ARVCF: variants seen among roughly 807,000 people sequenced by gnomAD.
ARVCF encodes the protein ARVCF delta catenin family member, also known as splicing regulator ARVCF.
A neutral mutation model predicts 90.9 loss-of-function variants in ARVCF; 66 were observed. The observed-to-expected ratio is 0.73, with a 90% CI of 0.60 to 0.89. The LOEUF (loss-of-function observed/expected upper bound fraction) is 0.89. Ranked by LOEUF, ARVCF falls within the 40% of genes least tolerant of loss-of-function variation. The probability of loss-of-function intolerance (pLI) is 0.00; values close to 1 mark genes in which losing one functional copy is unlikely to be tolerated. For synonymous variants in ARVCF, 653 were observed against 603.4 expected (o/e 1.08, Z -1.21); for missense variants, 1,469 against 1,382.3 (o/e 1.06, Z -1.00).
rs1206084904 is a variant in ARVCF, at chr22:19,973,073, C to T, written c.2439-37G>A. On this transcript the variant is annotated intron_variant, in intron 14 of 19. Coordinates refer to ENST00000263207, the MANE Select transcript of ARVCF (RefSeq NM_001670.3). ...GGGGCGGGGTCAGTGGTGGCCCCTC[C>T]CCCACCTCCGCGGCTCCCCAAGCCA... The T allele has an allele frequency of 2.5e-6, 4 of 1,608,778 alleles. No individual in the cohort carries two copies. In the East Asian group the frequency reaches 8.9e-5, roughly 36 times the overall value.
rs201679264 is a variant in ARVCF, at chr22:19,972,999, G to T, written c.2476C>A (p.Leu826Met). The T allele has an allele frequency of 1.9e-6, 3 of 1,613,454 alleles. No homozygotes were observed. Among genetic ancestry groups the T allele is most frequent in the East Asian group, 2.2e-5 (1 of 44,874 alleles). ...VREAKAASHV[L>M]QTVWSYKELR... ...TCCTTGTAGCTCCACACTGTCTGCA[G>T]CACGTGTGACGCCGCCTTCGCTTCG... Residue 826 changes from leucine to methionine, a missense_variant, in exon 15 of 20, where the codon CTG becomes ATG. Transcript: ENST00000263207.
downstream of ARVCF, among the ~76,000 whole-genome samples, chr22:19,966,475 T>C (rs984643816): frequency 1.3e-5 from 2 of 149,482 alleles, no homozygotes; most frequent in Admixed American, 1.3e-4. Context: ...AGAGTCTTGC[T>C]CTGTGCCCAG....
downstream of ARVCF, chr22:19,965,259 C>G (rs183349916): frequency 2.0e-5 from 3 of 152,336 alleles, no homozygotes; most frequent in African/African-American, 7.2e-5. Flanking sequence ...TGCCTGTAAC[C>G]CTTGCACTTT....
chr22:19,985,236 T>C (rs1263756317), intron 3 of ARVCF, among the ~76,000 whole-genome samples: 1 of 152,032 alleles, frequency 6.6e-6, no homozygotes, highest in East Asian at 1.9e-4. Flanking sequence ...TGGGGCCCCA[T>C]CCTTGCTCCT....
chr22:19,986,137 G>A (rs556426304), intron 3 of ARVCF, among the ~76,000 whole-genome samples: 1 of 152,252 alleles, frequency 6.6e-6, no homozygotes, highest in Non-Finnish European at 1.5e-5. Flanking sequence ...TGGGAGAGCA[G>A]GGCTGACTGT....
intron 1 of ARVCF, among the ~76,000 whole-genome samples, chr22:20,012,303 G>C (rs1404155688): frequency 6.6e-6 from 1 of 152,202 alleles, no homozygotes; most frequent in Non-Finnish European, 1.5e-5. Flanking sequence ...TGAGTGGTAG[G>C]AGCAGCCAGA....
At chr22:19,984,293 C>A (rs1026834967) in intron 3 of ARVCF, among the ~76,000 whole-genome samples, 5 of 152,170 alleles carry the variant, frequency 3.3e-5, no homozygotes, top group Admixed American at 1.3e-4. Context: ...TGTGGCCCAG[C>A]TTATCCCTCC....
intron 1 of ARVCF, among the ~76,000 whole-genome samples, 178 bp from the exon 2 acceptor site, chr22:20,010,686 C>G (rs918380368): frequency 2.6e-5 from 4 of 152,230 alleles, no homozygotes; most frequent in Non-Finnish European, 4.4e-5. Flanking sequence ...CTTGCCCCCA[C>G]ATGTCCAGGA....
chr22:19,966,834 A>G (rs1162663011), downstream of ARVCF: 6 of 640,608 alleles, frequency 9.4e-6, no homozygotes, highest in Non-Finnish European at 1.2e-5. Flanking sequence ...AACCTCTGTG[A>G]GGCTCCAACT....
chr22:19,981,192 G>A lies in ARVCF; in HGVS notation c.896+19C>T. On this transcript the variant is annotated intron_variant, in intron 5 of 19. Transcript: ENST00000263207. ...GACTTCCCAGAGGAGGTAGCCACAGGGGACGGGGTGCAGCTCACCTGGTAT... is the reference window on the plus strand; with the variant it reads ...GACTTCCCAGAGGAGGTAGCCACAGAGGACGGGGTGCAGCTCACCTGGTAT... The A allele has an allele frequency of 6.7e-7, 1 of 1,501,964 alleles. No individual in the cohort carries two copies. Among genetic ancestry groups the A allele is most frequent in the Non-Finnish European group, 8.9e-7 (1 of 1,121,568 alleles). 93.0% of individuals were successfully genotyped at this position (1,501,964 alleles called of 1,614,324 possible).
intron 2 of ARVCF, among the ~76,000 whole-genome samples, chr22:19,991,160 C>G (rs1944011637): frequency 1.3e-5 from 2 of 152,242 alleles, no homozygotes; most frequent in African/African-American, 4.8e-5. Context: ...ACTCATACCA[C>G]ATGCCAGCCC....
At chr22:19,968,054 G>A (rs1416379849), downstream of ARVCF, among the ~76,000 whole-genome samples, 1 of 152,146 alleles carries the variant, frequency 6.6e-6, no homozygotes, top group African/African-American at 2.4e-5. Context: ...TGACCCCAAG[G>A]GGCAGGCTTG....
chr22:20,005,770 T>C (rs1195190518), intron 2 of ARVCF, among the ~76,000 whole-genome samples: 1 of 146,880 alleles, frequency 6.8e-6, no homozygotes, highest in African/African-American at 2.6e-5. Flanking sequence ...CACTCCAGCC[T>C]GGGCGGCAGA....
chr22:20,007,749 C>T (rs1419676804), intron 2 of ARVCF, among the ~76,000 whole-genome samples: 1 of 152,172 alleles, frequency 6.6e-6, no homozygotes, highest in Non-Finnish European at 1.5e-5. Flanking sequence ...GGGGATGTAG[C>T]GACAAAGAAG....
chr22:20,001,704 C>G (rs1046085195), intron 2 of ARVCF, among the ~76,000 whole-genome samples: 3 of 152,100 alleles, frequency 2.0e-5, no homozygotes, highest in Non-Finnish European at 4.4e-5. Flanking sequence ...CTACTCAGGA[C>G]TGAGGCTGAG....
Position 19,990,795 on chromosome 22 carries a change from G to T in ARVCF, c.-1C>A. The T allele has an allele frequency of 6.4e-7, 1 of 1,558,074 alleles. No homozygotes were observed. Among genetic ancestry groups the T allele is most frequent in the South Asian group, 1.2e-5 (1 of 85,356 alleles). ...CCGAGTGCACATTGCAGTCCTCCAT[G>T]ACCAGAGCGCCCGCCAGCTGCAGGC... On this transcript the variant is annotated 5_prime_UTR_variant, in exon 3 of 20. Coordinates refer to ENST00000263207, the MANE Select transcript of ARVCF (RefSeq NM_001670.3).
At chr22:19,984,192 A>G (rs1000578456) in intron 3 of ARVCF, among the ~76,000 whole-genome samples, 26 of 151,928 alleles carry the variant, frequency 1.7e-4, no homozygotes, top group African/African-American at 6.1e-4. Context: ...TCTATTAAAA[A>G]CTCAGAGAAA....
At chr22:19,968,472 G>A, downstream of ARVCF, 1 of 1,528,406 alleles carries the variant, frequency 6.5e-7, no homozygotes, top group Non-Finnish European at 8.9e-7. Flanking sequence ...ACCCATCCTG[G>A]TTTGGGGCAG....
chr22:20,015,070 GAGGGTCAGAACTTGTTCTCCCA>G (rs1318909183), intron 1 of ARVCF, among the ~76,000 whole-genome samples: 1 of 152,202 alleles, frequency 6.6e-6, no homozygotes, highest in African/African-American at 2.4e-5. Context: ...TAGCAGGATT[GAGGGTCAGAACTTGTTCTCCCA>G]GGAGGAACCT....
Sources: gnomAD v4.1 joint callset for allele counts (sites outside exome capture counted in the v4.1 genomes callset) on GRCh38, gnomAD v4.1.1 for gene constraint, MANE v1.5 for transcripts, NCBI Gene and HGNC (gene_info 2026-07-23, HGNC 2026-07-21) for gene names.